DNER: variants seen among roughly 807,000 people sequenced by gnomAD.
The protein encoded by DNER is delta and Notch-like epidermal growth factor-related receptor.
DNER carries 33 observed loss-of-function variants against 78.2 expected under a neutral mutation model. The ratio of observed to expected loss-of-function variants is 0.42; its 90% confidence interval spans 0.32 to 0.56. The LOEUF (loss-of-function observed/expected upper bound fraction) is 0.56. Among genes scored for constraint, DNER ranks in the 20% least tolerant of loss-of-function variants. The pLI is 0.11. For missense variants in DNER, 918 were observed against 975.3 expected, an observed-to-expected ratio of 0.94 and a Z score of 0.78; for synonymous variants, 417 against 384.8, an observed-to-expected ratio of 1.08 and a Z score of -0.98.
rs150209791 is a variant in DNER, at chr2:229,365,294, G to A, written c.2102+1579C>T. Among the ~76,000 whole-genome samples, 69 of 152,256 alleles carry A rather than the reference G, an allele frequency of 4.5e-4. 1 individual carries two copies. In the East Asian group the frequency reaches 0.013, roughly 28 times the overall value. On this transcript the variant is annotated intron_variant, in intron 12 of 12. Coordinates refer to ENST00000341772, the MANE Select transcript of DNER (RefSeq NM_139072.4). The stretch of plus-strand genomic sequence containing the variant: ...TTTGGAAATGAGGAGGAGTCACAGA[G>A]ACAGTACCCAGGAAGGATGCTCAAC...
intron 1 of DNER, among the ~76,000 whole-genome samples, chr2:229,629,273 AC>A (rs1698395697): frequency 6.6e-6 from 1 of 152,190 alleles, no homozygotes. Context: ...TTCTAACTAA[AC>A]CTTAATGCTT....
intron 7 of DNER, among the ~76,000 whole-genome samples, chr2:229,470,492 A>AAT (rs1553607401): frequency 2.0e-5 from 3 of 151,742 alleles, no homozygotes; most frequent in East Asian, 3.9e-4. Flanking sequence ...GCTATGCAAA[A>AAT]AATAATAATA....
chr2:229,548,633 A>G (rs1040299878), intron 4 of DNER, among the ~76,000 whole-genome samples: 1 of 152,144 alleles, frequency 6.6e-6, no homozygotes, highest in African/African-American at 2.4e-5. Flanking sequence ...TAGGAGAAAT[A>G]CCTAATGTAG....
chr2:229,410,940 CTT>C (rs34113082), intron 9 of DNER, among the ~76,000 whole-genome samples: 1 of 152,280 alleles, frequency 6.6e-6, no homozygotes, highest in East Asian at 1.9e-4. Context: ...TCTATGAAAA[CTT>C]TTTCCAGTAT....
chr2:229,713,503 A>T (rs890121869), intron 1 of DNER, among the ~76,000 whole-genome samples: 1 of 152,162 alleles, frequency 6.6e-6, no homozygotes, highest in South Asian at 2.1e-4. Context: ...AGCGCCACGT[A>T]CAATGCCCCC....
Position 229,367,082 on chromosome 2 carries a change from G to A in DNER, c.1893C>T (p.Leu631=), listed in dbSNP as rs769650188. 2 of 1,614,016 alleles carry A rather than the reference G, an allele frequency of 1.2e-6. No individual in the cohort carries two copies. Among genetic ancestry groups the A allele is most frequent in the Non-Finnish European group, 1.7e-6 (2 of 1,180,024 alleles). ...QWKSGHMAES[L]TNMPRHSLYI... is the part of the protein sequence containing the mutation. ...AGAGGGAGTGCCGTGGCATGTTGGTGAGGCTCTCCGCCATGTGCCCGGACT... is the reference window on the plus strand; with the variant it reads ...AGAGGGAGTGCCGTGGCATGTTGGTAAGGCTCTCCGCCATGTGCCCGGACT... The change falls in exon 12 of 13, where the codon CTC becomes CTT. Residue 631 remains leucine (L), a synonymous_variant. Transcript: ENST00000341772.
intron 11 of DNER, among the ~76,000 whole-genome samples, chr2:229,387,435 C>T (rs1692893702): frequency 1.3e-5 from 2 of 149,242 alleles, no homozygotes; most frequent in Non-Finnish European, 3.0e-5. Flanking sequence ...TGTAACAAAC[C>T]TGCACGTTCT....
chr2:229,534,800 ATTG>A (rs1696372262), intron 5 of DNER, among the ~76,000 whole-genome samples: 1 of 152,176 alleles, frequency 6.6e-6, no homozygotes, highest in Non-Finnish European at 1.5e-5. Flanking sequence ...TGATGAGTTT[ATTG>A]GGTTTACTAA....
chr2:229,387,942 C>T (rs376186962), intron 11 of DNER, among the ~76,000 whole-genome samples: 28 of 151,528 alleles, frequency 1.8e-4, no homozygotes, highest in African/African-American at 5.6e-4. Context: ...GATTCTAATG[C>T]TTTTCTGTTC....
intron 1 of DNER, among the ~76,000 whole-genome samples, chr2:229,600,839 G>A (rs1359853320): frequency 6.6e-6 from 1 of 152,204 alleles, no homozygotes; most frequent in African/African-American, 2.4e-5. Context: ...GAAGACGATG[G>A]ATGGGGAAAG....
chr2:229,502,350 C>T (rs56029598), intron 6 of DNER, among the ~76,000 whole-genome samples: 20,934 of 152,050 alleles, frequency 0.14, 1,499 homozygotes, highest in South Asian at 0.2. Flanking sequence ...ATGGGGGCAC[C>T]GCAGCAGTGC....
intron 5 of DNER, among the ~76,000 whole-genome samples, chr2:229,522,910 T>C (rs1430365297): frequency 2.0e-5 from 3 of 152,240 alleles, no homozygotes; most frequent in Non-Finnish European, 4.4e-5. Flanking sequence ...GATTTTTCCA[T>C]GTTACCAATG....
At chr2:229,676,019 T>C (rs1228787790) in intron 1 of DNER, among the ~76,000 whole-genome samples, 2 of 152,150 alleles carry the variant, frequency 1.3e-5, no homozygotes, top group African/African-American at 4.8e-5. Flanking sequence ...GAAATCCCCA[T>C]TTCCCACTCT....
chr2:229,493,747 T>C (rs1695450433), intron 6 of DNER, among the ~76,000 whole-genome samples: 1 of 152,226 alleles, frequency 6.6e-6, no homozygotes, highest in African/African-American at 2.4e-5. Flanking sequence ...GATTGACAAC[T>C]GATCAGGTAC....
intron 4 of DNER, among the ~76,000 whole-genome samples, chr2:229,565,563 T>C (rs567050625): frequency 3.1e-4 from 47 of 152,262 alleles, no homozygotes; most frequent in African/African-American, 1.1e-3. Context: ...ACAAGACAGA[T>C]TGGTTGGCAT....
chr2:229,402,502 A>G (rs1035429504), intron 10 of DNER, among the ~76,000 whole-genome samples: 3 of 152,220 alleles, frequency 2.0e-5, no homozygotes, highest in African/African-American at 7.2e-5. Context: ...TGAAAGACAA[A>G]TATCAAAAAA....
intron 7 of DNER, among the ~76,000 whole-genome samples, chr2:229,472,759 C>A (rs2087775179): frequency 6.6e-6 from 1 of 152,192 alleles, no homozygotes; most frequent in African/African-American, 2.4e-5. Context: ...AGAAAACATT[C>A]ATGATATTTC....
intron 7 of DNER, among the ~76,000 whole-genome samples, chr2:229,453,329 A>G (rs1041881383): frequency 2.0e-5 from 3 of 149,006 alleles, no homozygotes; most frequent in Non-Finnish European, 3.0e-5. Flanking sequence ...AGTGGAAAAT[A>G]CAGGAGGAGG....
chr2:229,624,096 C>T (rs550151775), intron 1 of DNER, among the ~76,000 whole-genome samples: 3 of 152,316 alleles, frequency 2.0e-5, no homozygotes, highest in Admixed American at 2.0e-4. Context: ...TTATAAAAGT[C>T]TCTTGAGCAA....
Sources: gnomAD v4.1 joint callset for allele counts (sites outside exome capture counted in the v4.1 genomes callset) on GRCh38, gnomAD v4.1.1 for gene constraint, MANE v1.5 for transcripts, NCBI Gene and HGNC (gene_info 2026-07-23, HGNC 2026-07-21) for gene names.